Variants in KIAA1958 observed in about 807,000 individuals in gnomAD.
KIAA1958 encodes the protein KIAA1958, also known as uncharacterized protein KIAA1958.
In KIAA1958, 14 loss-of-function variants were observed where a neutral mutation model predicts 47.2. The ratio of observed to expected loss-of-function variants is 0.30; its 90% confidence interval spans 0.20 to 0.46. The LOEUF is 0.46. KIAA1958 is among the 20% of genes least tolerant of loss of function. The pLI is 1.00. For missense variants in KIAA1958, 803 were observed against 909.2 expected, an observed-to-expected ratio of 0.88 and a Z score of 1.50; for synonymous variants, 354 against 353.3, an observed-to-expected ratio of 1.00 and a Z score of -0.02.
intron 2 of KIAA1958, among the ~76,000 whole-genome samples, chr9:112,624,025 CT>C (rs1836558628): frequency 1.3e-5 from 2 of 152,130 alleles, no homozygotes; most frequent in South Asian, 4.1e-4. Flanking sequence ...CAAAATAAAG[CT>C]GTAATACTAA....
chr9:112,521,160 G>C (rs1834536549), intron 1 of KIAA1958, among the ~76,000 whole-genome samples: 1 of 152,002 alleles, frequency 6.6e-6, no homozygotes, highest in Non-Finnish European at 1.5e-5. Flanking sequence ...TTTTCCTTAG[G>C]TTTTAATGTG....
rs1475896592 is a variant in KIAA1958, at chr9:112,661,830, G to C, written c.*1761G>C. On this transcript the variant is annotated 3_prime_UTR_variant, in exon 4 of 4. Transcript: ENST00000337530. ...ACATAACGTTCTGGTGTGGTTTCCT[G>C]TAGTGATCTTAGGGTTTTGATTTAA... 6.6e-6 allele frequency: 1 copy of C among 152,192 alleles called. No homozygotes were observed. Among genetic ancestry groups the C allele is most frequent in the African/African-American group, 2.4e-5 (1 of 41,434 alleles). The allele number at this position is 152,192 out of a possible 1,614,324, so 9.4% of individuals were successfully genotyped here. A position where few individuals can be genotyped will look rare whatever the true frequency, so the allele number is the denominator to read the frequency against.
intron 1 of KIAA1958, among the ~76,000 whole-genome samples, chr9:112,528,570 T>A (rs1175896495): frequency 6.6e-6 from 1 of 152,214 alleles, no homozygotes; most frequent in Non-Finnish European, 1.5e-5. Context: ...TTGTCCAGGC[T>A]GAAGTGCAGT....
chr9:112,610,227 C>T (rs1390251950), intron 2 of KIAA1958, among the ~76,000 whole-genome samples: 1 of 151,256 alleles, frequency 6.6e-6, no homozygotes, highest in Non-Finnish European at 1.5e-5. Flanking sequence ...GCAGATAACC[C>T]AGTACTCAGA....
chr9:112,603,008 T>G (rs2131201583), intron 2 of KIAA1958, among the ~76,000 whole-genome samples: 1 of 152,306 alleles, frequency 6.6e-6, no homozygotes, highest in East Asian at 1.9e-4. Flanking sequence ...TGAATCCTAC[T>G]ACTTTTTTCA....
intron 1 of KIAA1958, among the ~76,000 whole-genome samples, chr9:112,539,085 C>T (rs1394404214): frequency 1.3e-5 from 2 of 152,190 alleles, no homozygotes; most frequent in Admixed American, 6.5e-5. Flanking sequence ...AACTCTCATA[C>T]ATCACTAGTA....
rs116631074 is a variant in KIAA1958 at position 112,578,048 on chromosome 9, G to A, written c.1171+2797G>A. Among the ~76,000 whole-genome samples, 1,443 of 152,118 alleles carry A rather than the reference G, an allele frequency of 9.5e-3. 14 individuals are homozygous for A. The highest frequency in any genetic ancestry group is 0.033 in the African/African-American group (1,366 of 41,514). ...CCTCATATTTTGATCCATTGTTCTC[G>A]GGAAGGGTATCATATTGCTAAGATG... On this transcript the variant is annotated intron_variant, in intron 2 of 3. Transcript: ENST00000337530.
intron 2 of KIAA1958, among the ~76,000 whole-genome samples, chr9:112,638,191 T>C (rs1449669036): frequency 2.0e-5 from 3 of 151,880 alleles, no homozygotes; most frequent in African/African-American, 7.3e-5. Flanking sequence ...AATGTGGTGT[T>C]ATGTGGGAAG....
Position 112,660,118 on chromosome 9 carries a change from A to G in KIAA1958, c.*49A>G. 1.3e-6 allele frequency: 2 copies of G among 1,544,754 alleles called. No homozygotes were observed. The highest frequency in any genetic ancestry group is 2.3e-5 in the South Asian group (2 of 85,156). On this transcript the variant is annotated 3_prime_UTR_variant, in exon 4 of 4. Transcript: ENST00000337530. ...GCCCTGTCACCTGCTCGGGCCAGCC[A>G]GGGTTGGAGCAGCTGGAGCTCCTTG...
At chr9:112,493,755 A>G (rs938033918) in intron 1 of KIAA1958, among the ~76,000 whole-genome samples, 1 of 152,180 alleles carries the variant, frequency 6.6e-6, no homozygotes, top group Non-Finnish European at 1.5e-5. Flanking sequence ...AACACTGTTT[A>G]TCTGTGGCTT....
intron 1 of KIAA1958, among the ~76,000 whole-genome samples, chr9:112,508,028 A>G (rs1375419948): frequency 6.6e-6 from 1 of 152,152 alleles, no homozygotes; most frequent in Non-Finnish European, 1.5e-5. Flanking sequence ...ATATCTATAT[A>G]TACAACCTAT....
chr9:112,595,656 C>T (rs192739940), intron 2 of KIAA1958, among the ~76,000 whole-genome samples: 27 of 126,500 alleles, frequency 2.1e-4, no homozygotes, highest in South Asian at 8.5e-4. Flanking sequence ...CCAACCTGGG[C>T]GACAGAGTGA....
chr9:112,551,111 T>C (rs1835136440), intron 1 of KIAA1958, among the ~76,000 whole-genome samples: 1 of 151,896 alleles, frequency 6.6e-6, no homozygotes, highest in Non-Finnish European at 1.5e-5. Context: ...TTAAAAATTG[T>C]GTAAAATATA....
chr9:112,636,670 G>A (rs1054655647), intron 2 of KIAA1958, among the ~76,000 whole-genome samples: 1 of 152,032 alleles, frequency 6.6e-6, no homozygotes. Context: ...TTGTCTGTTA[G>A]TATATAGGTA....
At chr9:112,584,850 C>A (rs903224319) in intron 2 of KIAA1958, among the ~76,000 whole-genome samples, 7 of 152,192 alleles carry the variant, frequency 4.6e-5, no homozygotes, top group African/African-American at 1.7e-4. Context: ...CCGAGAGGGA[C>A]AGGGTTGGCG....
chr9:112,625,784 T>A (rs1001283538), intron 2 of KIAA1958, among the ~76,000 whole-genome samples: 3 of 152,198 alleles, frequency 2.0e-5, no homozygotes, highest in Non-Finnish European at 4.4e-5. Flanking sequence ...CAACTTTTCT[T>A]TTTGGAGTTT....
chr9:112,508,482 G>A (rs544032512), intron 1 of KIAA1958, among the ~76,000 whole-genome samples: 1 of 152,348 alleles, frequency 6.6e-6, no homozygotes, highest in African/African-American at 2.4e-5. Flanking sequence ...AGCTACATAC[G>A]ATGATGGCAC....
intron 2 of KIAA1958, among the ~76,000 whole-genome samples, chr9:112,604,233 A>G (rs185182292): frequency 8.5e-5 from 13 of 152,336 alleles, no homozygotes; most frequent in African/African-American, 3.1e-4. Context: ...TTAATGGGGC[A>G]TGGAGACTAT....
chr9:112,603,976 C>T (rs557847891), intron 2 of KIAA1958, among the ~76,000 whole-genome samples: 1 of 152,240 alleles, frequency 6.6e-6, no homozygotes, highest in East Asian at 1.9e-4. Context: ...ACAAAATAGT[C>T]TTCTCTTAAA....
Sources: allele counts gnomAD v4.1 joint callset (sites outside exome capture counted in the v4.1 genomes callset), GRCh38; gene constraint gnomAD v4.1.1; transcripts MANE v1.5; gene names NCBI Gene and HGNC (gene_info 2026-07-23, HGNC 2026-07-21).